The following PDPN variants were observed in gnomAD, a reference collection of about 807,000 sequenced individuals.
PDPN encodes PA2.26 antigen.
A neutral mutation model predicts 23.2 loss-of-function variants in PDPN; 12 were observed. The ratio of observed to expected loss-of-function variants is 0.52; its 90% CI spans 0.33 to 0.84. The LOEUF (loss-of-function observed/expected upper bound fraction) is 0.84. Ranked by LOEUF, PDPN falls within the 40% of genes least tolerant of loss-of-function variation. The probability of loss-of-function intolerance (pLI) is 0.02; values close to 1 mark genes in which losing one functional copy is unlikely to be tolerated. For missense variants in PDPN, 199 were observed against 212.2 expected (o/e 0.94, Z 0.39); for synonymous variants, 77 against 76.7 (o/e 1.00, Z -0.02).
At chr1:13,595,827 G>A in intron 1 of PDPN, 1 of 1,270,694 alleles carries the variant, frequency 7.9e-7, no homozygotes, top group Non-Finnish European at 1.0e-6. Flanking sequence ...TTCATTACAG[G>A]GGAAGGCGTT....
At chr1:13,590,759 A>G (rs559820773) in intron 1 of PDPN, among the ~76,000 whole-genome samples, 16 of 151,924 alleles carry the variant, frequency 1.1e-4, no homozygotes, top group Admixed American at 5.2e-4. Context: ...TGTAGGCAGA[A>G]ATAGAGAATG....
chr1:13,603,855 G>T (rs576083160), intron 1 of PDPN, among the ~76,000 whole-genome samples: 2 of 152,148 alleles, frequency 1.3e-5, no homozygotes, highest in Non-Finnish European at 2.9e-5. Context: ...CCAAAGTGCT[G>T]GGATTATAGG....
At chr1:13,607,383 C>T in intron 2 of PDPN, 77 bp downstream of exon 2, 1 of 1,057,526 alleles carries the variant, frequency 9.5e-7, no homozygotes, top group Non-Finnish European at 1.3e-6. Flanking sequence ...TATTAATTTA[C>T]TTTATATAAA....
chr1:13,593,898 AAAGTTTATT>A (rs1640420819), intron 1 of PDPN, among the ~76,000 whole-genome samples: 1 of 152,236 alleles, frequency 6.6e-6, no homozygotes, highest in African/African-American at 2.4e-5. Context: ...GAGTTCCAGA[AAAGTTTATT>A]ACAGAGCTGT....
rs1192992592 is a variant in PDPN at position 13,583,973 on chromosome 1, T to C, written c.-61T>C. ...GCCTGTGGCCGCGGTGCTTTTTAAT[T>C]TTCCCCCAGCTCAGAATCTTGCTGC... On this transcript the variant is annotated 5_prime_UTR_variant, in exon 1 of 6. Coordinates refer to ENST00000621990, the MANE Select transcript of PDPN (RefSeq NM_006474.5). 6.2e-7 allele frequency: 1 copy of C among 1,613,718 alleles called. No homozygotes were observed. Among genetic ancestry groups the C allele is most frequent in the Non-Finnish European group, 8.5e-7 (1 of 1,180,022 alleles).
intron 1 of PDPN, among the ~76,000 whole-genome samples, chr1:13,596,623 G>C (rs2100230778): frequency 6.6e-6 from 1 of 152,340 alleles, no homozygotes; most frequent in Middle Eastern, 3.4e-3. Flanking sequence ...TCAGAGGTTA[G>C]TGGTTGCATC....
At chr1:13,593,750 G>C (rs912515360) in intron 1 of PDPN, among the ~76,000 whole-genome samples, 5 of 152,166 alleles carry the variant, frequency 3.3e-5, no homozygotes, top group Non-Finnish European at 7.3e-5. Flanking sequence ...TTCAGTTTCC[G>C]AGCAGACGGC....
At chr1:13,591,732 TCA>T (rs1400764431) in intron 1 of PDPN, among the ~76,000 whole-genome samples, 1 of 152,248 alleles carries the variant, frequency 6.6e-6, no homozygotes, top group African/African-American at 2.4e-5. Flanking sequence ...TCTTCCTCTG[TCA>T]CCCAGGCTGA....
intron 1 of PDPN, among the ~76,000 whole-genome samples, chr1:13,585,116 C>G (rs1329110110): frequency 6.6e-6 from 1 of 152,188 alleles, no homozygotes; most frequent in Non-Finnish European, 1.5e-5. Context: ...GAATTGTAAC[C>G]TAACTCGTGA....
At chr1:13,591,836 A>G (rs425187) in intron 1 of PDPN, among the ~76,000 whole-genome samples, 58,582 of 152,114 alleles carry the variant, frequency 0.39, 11,690 homozygotes, top group Middle Eastern at 0.53. Flanking sequence ...CTGGGACTAC[A>G]GGCGTATGCC....
intron 5 of PDPN, among the ~76,000 whole-genome samples, chr1:13,615,602 T>C (rs896762182): frequency 2.6e-5 from 4 of 152,022 alleles, no homozygotes; most frequent in East Asian, 1.9e-4. Flanking sequence ...CTTTTTCTTA[T>C]ATGAGTTGGA....
Position 13,614,330 on chromosome 1 carries a change from T to A in PDPN, c.401T>A (p.Ile134Asn). 7.5e-6 allele frequency: 12 copies of A among 1,606,416 alleles called. No homozygotes were observed. The highest frequency in any genetic ancestry group is 1.0e-5 in the Non-Finnish European group (12 of 1,172,978). The change falls in exon 5 of 6, where the codon ATC becomes AAC. Residue 134 changes from isoleucine to asparagine, a missense_variant. By Grantham distance (149) the Ile-to-Asn change is moderately radical. Transcript: ENST00000621990. ...DGLSTVTLVG[I>N]IVGVLLAIGF... The stretch of plus-strand genomic sequence containing the variant: ...TTGTCAACAGTGACCCTGGTTGGAA[T>A]CATAGTTGGGGTCTTACTAGCCATC...
At chr1:13,592,082 T>A (rs979153516) in intron 1 of PDPN, among the ~76,000 whole-genome samples, 1 of 152,256 alleles carries the variant, frequency 6.6e-6, no homozygotes, top group Non-Finnish European at 1.5e-5. Flanking sequence ...GAGCATCTTT[T>A]TATGCACTTC....
At chr1:13,584,487 G>A (rs911789983) in intron 1 of PDPN, 1 of 580,754 alleles carries the variant, frequency 1.7e-6, no homozygotes, top group South Asian at 2.4e-5. Context: ...CGCACGCCTC[G>A]GGAGAAGCTG....
chr1:13,594,577 A>G (rs938842576), intron 1 of PDPN, among the ~76,000 whole-genome samples: 7 of 152,312 alleles, frequency 4.6e-5, no homozygotes, highest in Middle Eastern at 6.8e-3. Context: ...ATAGATGGCA[A>G]TGTCTAATCC....
At chr1:13,587,095 A>C (rs1342565411) in intron 1 of PDPN, among the ~76,000 whole-genome samples, 1 of 152,238 alleles carries the variant, frequency 6.6e-6, no homozygotes, top group East Asian at 1.9e-4. Context: ...CTTGAAATTA[A>C]AGGTTAACCT....
intron 3 of PDPN, 61 bp from the exon 4 acceptor site, chr1:13,613,625 GT>G (rs1424481008): frequency 4.5e-5 from 37 of 826,770 alleles, no homozygotes; most frequent in Non-Finnish European, 7.2e-5. Flanking sequence ...TCTTTTGCCA[GT>G]TGTTAAATTA....
chr1:13,608,907 C>A (rs92406), intron 2 of PDPN, among the ~76,000 whole-genome samples: 103,172 of 151,808 alleles, frequency 0.68, 35,321 homozygotes, highest in Admixed American at 0.76. Flanking sequence ...AGAACGGCTG[C>A]CTTTTTCTTA....
chr1:13,583,762 A>C, upstream of PDPN: 3 of 1,481,032 alleles, frequency 2.0e-6, no homozygotes, highest in Non-Finnish European at 2.7e-6. Context: ...GACGGAGACC[A>C]CCTTGCGGCC....
Sources: allele counts gnomAD v4.1 joint callset (sites outside exome capture counted in the v4.1 genomes callset), GRCh38; gene constraint gnomAD v4.1.1; transcripts MANE v1.5; gene names NCBI Gene and HGNC (gene_info 2026-07-23, HGNC 2026-07-21).